The following FERMT2 variants were observed in gnomAD, a reference collection of about 807,000 sequenced individuals.
FERMT2 encodes FERM domain containing kindlin 2.
In FERMT2, 15 loss-of-function variants were observed where a neutral mutation model predicts 82.7. The observed-to-expected ratio is 0.18, with a 90% CI of 0.12 to 0.28. The LOEUF is 0.28. Ranked by LOEUF, FERMT2 falls within the 10% of genes least tolerant of loss-of-function variation. The pLI, the probability that FERMT2 is intolerant of heterozygous loss-of-function variation, is 1.00. For synonymous variants in FERMT2, 274 were observed against 271.5 expected, an observed-to-expected ratio of 1.01 and a Z score of -0.09; for missense variants, 645 against 809.4, an observed-to-expected ratio of 0.80 and a Z score of 2.46.
intron 3 of FERMT2, among the ~76,000 whole-genome samples, chr14:52,905,811 A>C (rs1212790959): frequency 6.6e-6 from 1 of 152,200 alleles, no homozygotes; most frequent in Non-Finnish European, 1.5e-5. Flanking sequence ...GAGCATGTTC[A>C]GTTTAAAATT....
chr14:52,871,326 G>C (rs1457891881), intron 10 of FERMT2: 1 of 152,328 alleles, frequency 6.6e-6, no homozygotes, highest in Non-Finnish European at 1.5e-5. Flanking sequence ...AGACAGTGCA[G>C]AGCCAGCTGA....
chr14:52,874,333 A>T (rs1885821806), intron 8 of FERMT2, 107 bp from the exon 9 acceptor site: 1 of 579,046 alleles, frequency 1.7e-6, no homozygotes. Flanking sequence ...AGAATGACAT[A>T]AAATACAATG....
intron 3 of FERMT2, among the ~76,000 whole-genome samples, chr14:52,897,675 C>T (rs867668763): frequency 3.3e-5 from 5 of 151,918 alleles, no homozygotes; most frequent in East Asian, 3.9e-4. Context: ...GTTATTTCAA[C>T]GTTACTCTTA....
intron 2 of FERMT2, among the ~76,000 whole-genome samples, chr14:52,938,264 A>G (rs933644856): frequency 6.6e-6 from 1 of 152,242 alleles, no homozygotes; most frequent in African/African-American, 2.4e-5. Context: ...CTACATAAAT[A>G]AAATGAAAAC....
chr14:52,920,504 TG>T (rs1242385694), intron 2 of FERMT2, among the ~76,000 whole-genome samples: 5 of 151,906 alleles, frequency 3.3e-5, no homozygotes, highest in Non-Finnish European at 7.4e-5. Flanking sequence ...CATGGTGGCA[TG>T]TGCCTGTAGT....
chr14:52,858,091 C>G lies in FERMT2; in HGVS notation c.*286G>C. 2.8e-6 allele frequency: 1 copy of G among 356,588 alleles called. No individual in the cohort carries two copies. The highest frequency in any genetic ancestry group is 5.2e-6 in the Non-Finnish European group (1 of 192,914). 22.1% of individuals were successfully genotyped at this position (356,588 alleles called of 1,614,324 possible). On this transcript the variant is annotated 3_prime_UTR_variant, in exon 15 of 15. Coordinates refer to ENST00000341590, the MANE Select transcript of FERMT2 (RefSeq NM_006832.3). ...GGCTTGTTTCTTACAGTTTGGCTAG[C>G]TTAAATCAGTAAATCAGTGATGGTT...
chr14:52,939,042 G>T (rs540508523), intron 2 of FERMT2, among the ~76,000 whole-genome samples: 1 of 151,668 alleles, frequency 6.6e-6, no homozygotes, highest in Admixed American at 6.6e-5. Flanking sequence ...TCCTAATATG[G>T]TAAAGAGTAT....
intron 7 of FERMT2, among the ~76,000 whole-genome samples, chr14:52,875,897 G>T (rs534723364): frequency 1.2e-4 from 18 of 152,216 alleles, no homozygotes; most frequent in Non-Finnish European, 2.6e-4. Context: ...ATGTTTGTAC[G>T]TGAGTACGCA....
intron 3 of FERMT2, among the ~76,000 whole-genome samples, chr14:52,907,138 G>A (rs1888059079): frequency 6.6e-6 from 1 of 152,110 alleles, no homozygotes; most frequent in African/African-American, 2.4e-5. Flanking sequence ...TTAACCTCCT[G>A]AGCAGCTGGA....
At chr14:52,867,133 C>T (rs1012835551) in intron 10 of FERMT2, among the ~76,000 whole-genome samples, 3 of 147,572 alleles carry the variant, frequency 2.0e-5, no homozygotes, top group African/African-American at 7.6e-5. Flanking sequence ...GACAGGGTTT[C>T]ACCATGTTGC....
chr14:52,909,656 C>T (rs1244110076), intron 3 of FERMT2, among the ~76,000 whole-genome samples: 4 of 152,046 alleles, frequency 2.6e-5, no homozygotes, highest in East Asian at 3.9e-4. Context: ...GGTGTGGTGG[C>T]GGGCACATGT....
chr14:52,920,312 A>AAAAAC (rs777518075), intron 2 of FERMT2, among the ~76,000 whole-genome samples: 5 of 152,196 alleles, frequency 3.3e-5, no homozygotes, highest in African/African-American at 9.6e-5. Context: ...TGATGTTTCA[A>AAAAAC]AAAACAAAAC....
At chr14:52,863,800 T>C (rs1482338757) in intron 12 of FERMT2, 1 of 152,212 alleles carries the variant, frequency 6.6e-6, no homozygotes, top group African/African-American at 2.4e-5. Flanking sequence ...TGTTGAGAAA[T>C]GCTGGCTGCA....
At chr14:52,874,105 G>T in intron 9 of FERMT2, 72 bp downstream of exon 9, 1 of 993,164 alleles carries the variant, frequency 1.0e-6, no homozygotes, top group Non-Finnish European at 1.5e-6. Context: ...TTAACAGTTA[G>T]TTTCAATAAT....
Position 52,881,086 on chromosome 14 carries a change from C to T in FERMT2, c.805G>A (p.Ala269Thr). ...TAATACTTGAATCGGAGCAGCAAGG[C>T]CTCATTTTCCTTCACATCTTGTTCC... is the stretch of plus-strand genomic sequence containing the variant. ...LMEQDVKENE[A>T]LLLRFKYYSF... is the part of the protein sequence containing the mutation. Residue 269 changes from alanine to threonine, a missense_variant, in exon 6 of 15, where the codon GCC (alanine) becomes ACC (threonine). By Grantham distance (58) the Ala-to-Thr change is moderately conservative. Coordinates refer to ENST00000341590, the MANE Select transcript of FERMT2 (RefSeq NM_006832.3). 1 of 1,613,620 alleles carries T rather than the reference C, an allele frequency of 6.2e-7. No homozygotes were observed. Among genetic ancestry groups the T allele is most frequent in the South Asian group, 1.1e-5 (1 of 91,034 alleles).
intron 10 of FERMT2, among the ~76,000 whole-genome samples, chr14:52,867,208 G>A (rs1295455734): frequency 6.6e-6 from 1 of 151,178 alleles, no homozygotes; most frequent in African/African-American, 2.4e-5. Context: ...CCAAAATGTT[G>A]GGATTATAAG....
chr14:52,874,280 A>C (rs1161489270), intron 8 of FERMT2, 54 bp from the exon 9 acceptor site: 1 of 1,136,376 alleles, frequency 8.8e-7, no homozygotes, highest in African/African-American at 1.6e-5. Context: ...AATTCTTTCT[A>C]ATGTTTGGTA....
chr14:52,927,520 T>C (rs1889340125), intron 2 of FERMT2, among the ~76,000 whole-genome samples: 1 of 144,656 alleles, frequency 6.9e-6, no homozygotes, highest in Admixed American at 7.2e-5. Flanking sequence ...TTTGGGAGGT[T>C]TGAGGTGGGT....
At chr14:52,868,148 T>C (rs1394219383) in intron 10 of FERMT2, among the ~76,000 whole-genome samples, 1 of 151,602 alleles carries the variant, frequency 6.6e-6, no homozygotes, top group Non-Finnish European at 1.5e-5. Flanking sequence ...TCAGATTCAA[T>C]AGCTATTAAG....
Sources: gnomAD v4.1 joint callset for allele counts (sites outside exome capture counted in the v4.1 genomes callset) on GRCh38, gnomAD v4.1.1 for gene constraint, MANE v1.5 for transcripts, NCBI Gene and HGNC (gene_info 2026-07-23, HGNC 2026-07-21) for gene names.